The following PREX2 variants were observed in gnomAD, a reference collection of about 807,000 sequenced individuals.
PREX2 encodes the protein phosphatidylinositol 3,4,5-trisphosphate-dependent Rac exchanger 2 protein.
A neutral mutation model predicts 203.2 loss-of-function variants in PREX2; 107 were observed. The observed-to-expected ratio is 0.53, with a 90% confidence interval of 0.45 to 0.62. The LOEUF (loss-of-function observed/expected upper bound fraction) is 0.62, where lower values mean the gene tolerates loss of function less well. Ranked by LOEUF, PREX2 falls within the 20% of genes least tolerant of loss-of-function variation. The probability of loss-of-function intolerance (pLI) is 0.00; values close to 1 mark genes in which losing one functional copy is unlikely to be tolerated. For synonymous variants in PREX2, 672 were observed against 663.6 expected (o/e 1.01, Z -0.19); for missense variants, 1,777 against 1,955.9 (o/e 0.91, Z 1.72).
intron 10 of PREX2, 102 bp downstream of exon 10, chr8:68,056,076 C>T (rs917346160): frequency 9.2e-5 from 116 of 1,254,990 alleles, no homozygotes; most frequent in Non-Finnish European, 1.1e-4. Context: ...TTCCCTTAGG[C>T]ACTTTTGAAA....
intron 18 of PREX2, 73 bp from the exon 19 acceptor site, chr8:68,087,651 G>A: frequency 9.5e-7 from 1 of 1,053,380 alleles, no homozygotes. Flanking sequence ...GAGGTGTAAA[G>A]CTGTACACGA....
Position 68,080,754 on chromosome 8 carries a change from C to T in PREX2, c.1794C>T (p.Ser598=). 6.4e-7 allele frequency: 1 copy of T among 1,555,096 alleles called. No individual in the cohort carries two copies. Among genetic ancestry groups the T allele is most frequent in the South Asian group, 1.2e-5 (1 of 84,902 alleles). ...AATATTTTGCATTTCAGATTAAATC[C>T]AATGAAGGCAGCTATGGCTTTGGAT... ...NVIAKSLLIK[S]NEGSYGFGLE... Residue 598 remains serine (S), a synonymous_variant, in exon 17 of 40, where the codon TCC becomes TCT. Transcript: ENST00000288368.
chr8:68,058,421 C>A (rs572527223), intron 10 of PREX2, among the ~76,000 whole-genome samples: 2 of 150,060 alleles, frequency 1.3e-5, no homozygotes, highest in East Asian at 3.9e-4. Context: ...CCTTTGGTTG[C>A]ACTATGACAT....
chr8:68,160,102 G>C (rs1000468733), intron 35 of PREX2, among the ~76,000 whole-genome samples: 2 of 152,068 alleles, frequency 1.3e-5, no homozygotes, highest in Non-Finnish European at 2.9e-5. Context: ...CTTGATGTTG[G>C]GTTAGCAATT....
At chr8:68,057,142 T>A (rs778711201) in intron 10 of PREX2, among the ~76,000 whole-genome samples, 1 of 152,108 alleles carries the variant, frequency 6.6e-6, no homozygotes, top group Non-Finnish European at 1.5e-5. Flanking sequence ...GGTCTCATGA[T>A]GGTGAGTGAA....
intron 2 of PREX2, 57 bp downstream of exon 2, chr8:68,017,974 G>C (rs1189155021): frequency 7.2e-7 from 1 of 1,390,162 alleles, no homozygotes; most frequent in Admixed American, 1.8e-5. Flanking sequence ...GATAAATTTT[G>C]CTGGTGCCAT....
chr8:67,976,309 A>C (rs1806082778), intron 1 of PREX2, among the ~76,000 whole-genome samples: 1 of 152,222 alleles, frequency 6.6e-6, no homozygotes, highest in South Asian at 2.1e-4. Flanking sequence ...CAGTGCCACT[A>C]TTCTGAGACC....
chr8:68,156,683 T>C (rs1811549409), intron 34 of PREX2, among the ~76,000 whole-genome samples: 2 of 152,144 alleles, frequency 1.3e-5, no homozygotes, highest in Non-Finnish European at 2.9e-5. Context: ...GCTTTGAACT[T>C]AGGCTTAAAT....
Position 68,118,339 on chromosome 8 carries a change from A to G in PREX2, c.3327-211A>G, listed in dbSNP as rs1262105479. Among the ~76,000 whole-genome samples the G allele has an allele frequency of 2.7e-5, 4 of 150,818 alleles. No homozygotes were observed. In the East Asian group the frequency reaches 7.8e-4, roughly 29 times the overall value. Reference sequence around the variant, plus strand: ...CACTGCACTCCAGTCTGGGAGACAGAGCGAAACTCCGTCTCCAAAAAAAAA... The same window carrying G: ...CACTGCACTCCAGTCTGGGAGACAGGGCGAAACTCCGTCTCCAAAAAAAAA... On this transcript the variant is annotated intron_variant, in intron 26 of 39. Transcript: ENST00000288368.
At chr8:68,019,947 G>A (rs1324170459) in intron 3 of PREX2, among the ~76,000 whole-genome samples, 2 of 152,132 alleles carry the variant, frequency 1.3e-5, no homozygotes, top group Non-Finnish European at 2.9e-5. Context: ...GAATATTCAG[G>A]CTGTTCATAA....
chr8:68,133,813 A>G (rs970644164), intron 31 of PREX2, among the ~76,000 whole-genome samples: 4 of 152,192 alleles, frequency 2.6e-5, no homozygotes, highest in Admixed American at 2.6e-4. Context: ...ATGATTCTAG[A>G]ATAGAGTCAC....
At chr8:68,024,581 G>C (rs1807661419) in intron 4 of PREX2, among the ~76,000 whole-genome samples, 1 of 151,350 alleles carries the variant, frequency 6.6e-6, no homozygotes, top group Non-Finnish European at 1.5e-5. Context: ...CATATTGTTG[G>C]GTCTACTTTT....
intron 14 of PREX2, among the ~76,000 whole-genome samples, chr8:68,075,361 G>A (rs1163319908): frequency 1.3e-5 from 2 of 152,202 alleles, no homozygotes; most frequent in African/African-American, 2.4e-5. Flanking sequence ...GTGCTTTGAT[G>A]ATAGAATACA....
intron 23 of PREX2, chr8:68,105,121 T>C (rs1810370446): frequency 1.5e-6 from 2 of 1,366,648 alleles, no homozygotes; most frequent in Non-Finnish European, 2.0e-6. Context: ...TCAAGAACTG[T>C]ACCTTCCATA....
At chr8:68,104,192 G>A in intron 23 of PREX2, among the ~76,000 whole-genome samples, 1 of 152,030 alleles carries the variant, frequency 6.6e-6, no homozygotes, top group East Asian at 1.9e-4. Context: ...TCTACTGCTG[G>A]TGGCCTTGGG....
intron 18 of PREX2, 71 bp from the exon 19 acceptor site, chr8:68,087,653 T>C (rs1009333216): frequency 8.4e-6 from 9 of 1,066,808 alleles, no homozygotes; most frequent in Admixed American, 3.4e-5. Context: ...GGTGTAAAGC[T>C]GTACACGACG....
rs140623446 is a variant in PREX2, at chr8:68,187,410, TA to T, written c.4347-4307del. ...CCTTAATATTATGCCTTATCATGGC[TA>T]AAAATTGTCCAATGATGCTTCCCAC... is the stretch of plus-strand genomic sequence containing the variant. On this transcript the variant is annotated intron_variant, in intron 35 of 39. Transcript: ENST00000288368. 5.3e-4 allele frequency among the ~76,000 whole-genome samples: 81 copies of T among 152,324 alleles called. 3 individuals carry two copies. The East Asian group carries it at 0.012, about 23-fold the overall frequency.
Position 68,192,524 on chromosome 8 carries a change from C to T in PREX2, c.4603C>T (p.Arg1535Trp), listed in dbSNP as rs139672596. 30 of 1,604,210 alleles carry T rather than the reference C, an allele frequency of 1.9e-5. No individual in the cohort carries two copies. The highest frequency in any genetic ancestry group is 1.5e-4 in the Admixed American group (9 of 58,890). The change falls in exon 37 of 40, where the codon CGG becomes TGG. Residue 1535 changes from arginine (R) to tryptophan (W), a missense_variant and splice_region_variant. Arg to Trp is a moderately radical substitution (Grantham distance 101, BLOSUM62 -3). Coordinates refer to ENST00000288368, the MANE Select transcript of PREX2 (RefSeq NM_024870.4). ...HIIMCSSGVHRCTLSVTLEQA... is the reference protein window; with the variant it reads ...HIIMCSSGVHWCTLSVTLEQA... ...CATCATGTGCAGCAGCGGTGTGCATCGGTATGTGACCCTCCCGCCTTGCTT... is the reference window on the plus strand; with the variant it reads ...CATCATGTGCAGCAGCGGTGTGCATTGGTATGTGACCCTCCCGCCTTGCTT...
chr8:68,012,611 C>T (rs574063397), intron 1 of PREX2, among the ~76,000 whole-genome samples: 2 of 152,282 alleles, frequency 1.3e-5, no homozygotes, highest in South Asian at 4.1e-4. Context: ...GCCCACGAGG[C>T]TGAGTCTTAG....
Sources: allele counts gnomAD v4.1 joint callset (sites outside exome capture counted in the v4.1 genomes callset), GRCh38; gene constraint gnomAD v4.1.1; transcripts MANE v1.5; gene names NCBI Gene and HGNC (gene_info 2026-07-23, HGNC 2026-07-21).